Variants in CAMK2D observed in about 807,000 individuals in gnomAD.
The protein encoded by CAMK2D is calcium/calmodulin dependent protein kinase II delta, also known as calcium/calmodulin-dependent protein kinase type II subunit delta.
A neutral mutation model predicts 84.0 loss-of-function variants in CAMK2D; 37 were observed. The ratio of observed to expected loss-of-function variants is 0.44; its 90% CI spans 0.34 to 0.58. The LOEUF (loss-of-function observed/expected upper bound fraction) is 0.58. Among genes scored for constraint, CAMK2D ranks in the 20% least tolerant of loss-of-function variants. The pLI is 0.02. For synonymous variants in CAMK2D, 202 were observed against 212.5 expected (o/e 0.95, Z 0.43); for missense variants, 448 against 652.5 (o/e 0.69, Z 3.41).
At chr4:113,493,590 T>G (rs999681965) in intron 16 of CAMK2D, among the ~76,000 whole-genome samples, 1 of 152,020 alleles carries the variant, frequency 6.6e-6, no homozygotes, top group East Asian at 1.9e-4. Context: ...TTCCTTCATT[T>G]CAACTTTGGT....
intron 6 of CAMK2D, among the ~76,000 whole-genome samples, chr4:113,541,057 A>G (rs972998453): frequency 6.6e-6 from 1 of 152,236 alleles, no homozygotes; most frequent in Non-Finnish European, 1.5e-5. Context: ...TTTGTTCTGT[A>G]CTTTCATATG....
At chr4:113,474,094 A>G (rs1453345611) in intron 16 of CAMK2D, among the ~76,000 whole-genome samples, 2 of 152,228 alleles carry the variant, frequency 1.3e-5, no homozygotes, top group African/African-American at 4.8e-5. Flanking sequence ...GTAATTGGGT[A>G]ACTATTCTGC....
chr4:113,751,087 T>C (rs74370837), intron 2 of CAMK2D, among the ~76,000 whole-genome samples: 1,741 of 151,384 alleles, frequency 0.012, 16 homozygotes, highest in Non-Finnish European at 0.02. Flanking sequence ...AAGGAAGAAA[T>C]GAAAAAGGTG....
chr4:113,500,168 G>T (rs2098013844), intron 16 of CAMK2D, among the ~76,000 whole-genome samples: 1 of 152,064 alleles, frequency 6.6e-6, no homozygotes, highest in East Asian at 1.9e-4. Context: ...TTTACAATTT[G>T]TTATGTTCCT....
chr4:113,580,823 G>A (rs2098804677), intron 4 of CAMK2D, among the ~76,000 whole-genome samples: 1 of 147,206 alleles, frequency 6.8e-6, no homozygotes, highest in Non-Finnish European at 1.5e-5. Context: ...ATTCAAGTTG[G>A]CTATAATTAT....
Position 113,611,808 on chromosome 4 carries a change from T to G in CAMK2D, c.221-2602A>C, listed in dbSNP as rs74676558. Among the ~76,000 whole-genome samples, 970 of 152,296 alleles carry G rather than the reference T, an allele frequency of 6.4e-3. 15 individuals are homozygous for G. Among genetic ancestry groups the G allele is most frequent in the African/African-American group, 0.022 (904 of 41,562 alleles). On this transcript the variant is annotated intron_variant, in intron 3 of 20. Transcript: ENST00000511664. ...AACCAGCTAACATGTGATAAGGGTT[T>G]GAGACAAATCATTCAGCCAAGTTTA...
intron 2 of CAMK2D, among the ~76,000 whole-genome samples, chr4:113,745,854 A>T (rs1024774521): frequency 1.3e-5 from 2 of 152,214 alleles, no homozygotes; most frequent in Non-Finnish European, 2.9e-5. Flanking sequence ...CAGCTGGATA[A>T]CGCTGTCTCC....
chr4:113,573,529 T>G (rs2098764614), intron 4 of CAMK2D, among the ~76,000 whole-genome samples: 1 of 152,246 alleles, frequency 6.6e-6, no homozygotes, highest in African/African-American at 2.4e-5. Flanking sequence ...TGACAGAATC[T>G]GCAGGTGAAG....
chr4:113,511,162 A>T (rs1485922854), intron 12 of CAMK2D, among the ~76,000 whole-genome samples: 1 of 152,192 alleles, frequency 6.6e-6, no homozygotes, highest in African/African-American at 2.4e-5. Context: ...CAACAACTTT[A>T]TAACCATATA....
At chr4:113,603,004 G>C (rs972141813) in intron 4 of CAMK2D, among the ~76,000 whole-genome samples, 1 of 152,074 alleles carries the variant, frequency 6.6e-6, no homozygotes, top group Admixed American at 6.5e-5. Flanking sequence ...TCTGCCTGAA[G>C]GCCTCTCCCT....
intron 18 of CAMK2D, among the ~76,000 whole-genome samples, chr4:113,459,878 G>A (rs560495596): frequency 1.1e-4 from 16 of 152,060 alleles, no homozygotes; most frequent in South Asian, 2.1e-4. Flanking sequence ...CACCCGCCTC[G>A]GCCCCCAAAG....
chr4:113,761,178 C>A lies in CAMK2D; in HGVS notation c.-110G>T, dbSNP rs544322770. On this transcript the variant is annotated 5_prime_UTR_variant, in exon 1 of 21. Coordinates refer to ENST00000511664, the MANE Select transcript of CAMK2D (RefSeq NM_001321571.2). The stretch of plus-strand genomic sequence containing the variant: ...GCGCTGTCACCCAGGGCCGCTCTTA[C>A]TTTCCTGGTCCGAAAGTAGCTCGCC... The A allele has an allele frequency of 2.5e-6, 4 of 1,585,358 alleles. No individual in the cohort carries two copies. Among genetic ancestry groups the A allele is most frequent in the African/African-American group, 1.3e-5 (1 of 74,504 alleles).
chr4:113,632,945 T>G (rs2099095916), intron 3 of CAMK2D, among the ~76,000 whole-genome samples: 1 of 152,228 alleles, frequency 6.6e-6, no homozygotes, highest in Non-Finnish European at 1.5e-5. Flanking sequence ...AGGCATAAAG[T>G]CAGCCTTATG....
At chr4:113,599,612 A>G (rs1264783110) in intron 4 of CAMK2D, among the ~76,000 whole-genome samples, 1 of 152,168 alleles carries the variant, frequency 6.6e-6, no homozygotes, top group African/African-American at 2.4e-5. Flanking sequence ...ACAGTTGAAA[A>G]CCCTTGTATA....
At chr4:113,645,074 C>T (rs1029142705) in intron 3 of CAMK2D, among the ~76,000 whole-genome samples, 2 of 152,012 alleles carry the variant, frequency 1.3e-5, no homozygotes, top group East Asian at 1.9e-4. Context: ...TGGAGTGAAG[C>T]GGCACAATCT....
At position 113,601,842 on chromosome 4, in the gene CAMK2D, G is replaced by A. The variant is rs1024325691; in HGVS notation, c.275+7310C>T. Among the ~76,000 whole-genome samples, 5 of 151,854 alleles carry A rather than the reference G, an allele frequency of 3.3e-5. 1 individual carries two copies. In the South Asian group the frequency reaches 6.2e-4, roughly 19 times the overall value. ...CCCTAGCAGCTAGGACTACATGCAA[G>A]TGCCATCACCACAGACTGATTTTTA... On this transcript the variant is annotated intron_variant, in intron 4 of 20. Coordinates refer to ENST00000511664, the MANE Select transcript of CAMK2D (RefSeq NM_001321571.2).
intron 6 of CAMK2D, among the ~76,000 whole-genome samples, chr4:113,542,009 C>T (rs1196746373): frequency 1.3e-5 from 2 of 152,140 alleles, no homozygotes; most frequent in African/African-American, 2.4e-5. Context: ...TATAAGTTTG[C>T]AATTAGGAAG....
At chr4:113,552,685 T>C (rs1230102066) in intron 4 of CAMK2D, among the ~76,000 whole-genome samples, 7 of 152,202 alleles carry the variant, frequency 4.6e-5, no homozygotes, top group Admixed American at 3.9e-4. Flanking sequence ...TAACGTAACA[T>C]AGCAATTAAT....
At chr4:113,638,509 T>C (rs936225800) in intron 3 of CAMK2D, among the ~76,000 whole-genome samples, 1 of 152,170 alleles carries the variant, frequency 6.6e-6, no homozygotes, top group African/African-American at 2.4e-5. Context: ...CACAATGTGC[T>C]CTCAGTTCTG....
Sources: allele counts gnomAD v4.1 joint callset (sites outside exome capture counted in the v4.1 genomes callset), GRCh38; gene constraint gnomAD v4.1.1; transcripts MANE v1.5; gene names NCBI Gene and HGNC (gene_info 2026-07-23, HGNC 2026-07-21).